The following PPP1R36 variants were observed in gnomAD, a reference collection of about 807,000 sequenced individuals.
The protein encoded by PPP1R36 is chromosome 14 open reading frame 50.
A neutral mutation model predicts 53.4 loss-of-function variants in PPP1R36; 47 were observed. The ratio of observed to expected loss-of-function variants is 0.88; its 90% CI spans 0.70 to 1.12. The LOEUF (loss-of-function observed/expected upper bound fraction) is 1.12, where lower values mean the gene tolerates loss of function less well. PPP1R36 is among the 50% of genes most tolerant of loss of function. The pLI is 0.00. For synonymous variants in PPP1R36, 153 were observed against 170.5 expected, an observed-to-expected ratio of 0.90 and a Z score of 0.80; for missense variants, 456 against 513.9, an observed-to-expected ratio of 0.89 and a Z score of 1.09.
At chr14:64,569,743 CT>C (rs932367626) in intron 7 of PPP1R36, among the ~76,000 whole-genome samples, 219 of 142,370 alleles carry the variant, frequency 1.5e-3, no homozygotes, top group Middle Eastern at 3.6e-3. Flanking sequence ...TTTTTCTTTT[CT>C]TTTTTTTTTT....
chr14:64,557,110 G>A (rs2080161753), intron 3 of PPP1R36, among the ~76,000 whole-genome samples: 1 of 152,086 alleles, frequency 6.6e-6, no homozygotes, highest in Non-Finnish European at 1.5e-5. Flanking sequence ...AGGATTACAG[G>A]TGTGAGCCAC....
chr14:64,587,608 G>T lies in PPP1R36; in HGVS notation c.890+236G>T, dbSNP rs540674562. ...CCCGAGTAGCTAGGATTACAGACAT[G>T]CGCCACCACGCCTGGCTAATTTTTT... On this transcript the variant is annotated intron_variant, in intron 10 of 11. Coordinates refer to ENST00000298705, the MANE Select transcript of PPP1R36 (RefSeq NM_172365.3). Among the ~76,000 whole-genome samples, 7 of 151,544 alleles carry T rather than the reference G, an allele frequency of 4.6e-5. 1 individual carries two copies. The South Asian group carries it at 1.2e-3, about 27-fold the overall frequency.
intron 7 of PPP1R36, among the ~76,000 whole-genome samples, chr14:64,569,901 G>C (rs188976346): frequency 6.6e-6 from 1 of 151,778 alleles, no homozygotes; most frequent in South Asian, 2.1e-4. Flanking sequence ...ACCACGCCCA[G>C]CTAATTTTTA....
chr14:64,572,502 AT>A (rs965834926), intron 7 of PPP1R36, among the ~76,000 whole-genome samples: 8 of 151,334 alleles, frequency 5.3e-5, no homozygotes, highest in Admixed American at 2.6e-4. Context: ...TCTCTTGAGT[AT>A]TTTTTTTTCA....
chr14:64,588,327 C>T (rs1252811794), intron 11 of PPP1R36, 32 bp downstream of exon 11: 1 of 1,557,598 alleles, frequency 6.4e-7, no homozygotes, highest in African/African-American at 1.4e-5. Flanking sequence ...GCATGAGTGC[C>T]TTGAGGTGGC....
intron 3 of PPP1R36, among the ~76,000 whole-genome samples, chr14:64,554,327 T>A (rs151210250): frequency 2.2e-4 from 34 of 151,958 alleles, no homozygotes; most frequent in Admixed American, 2.0e-3. Flanking sequence ...AATTTTGTAT[T>A]TTTAGTAGAG....
chr14:64,564,109 C>A (rs1019015486), intron 3 of PPP1R36, among the ~76,000 whole-genome samples: 1 of 152,172 alleles, frequency 6.6e-6, no homozygotes, highest in African/African-American at 2.4e-5. Context: ...AGTGCTTGTA[C>A]AACATGCTAA....
At chr14:64,572,856 T>A (rs1198753034) in intron 7 of PPP1R36, among the ~76,000 whole-genome samples, 1 of 152,142 alleles carries the variant, frequency 6.6e-6, no homozygotes, top group Non-Finnish European at 1.5e-5. Flanking sequence ...CAGAGTAGGG[T>A]GACCAGTGAG....
rs919340685 is a variant in PPP1R36 at position 64,564,798 on chromosome 14, C to G, written c.230C>G (p.Ala77Gly). 6 of 1,610,612 alleles carry G rather than the reference C, an allele frequency of 3.7e-6. No individual in the cohort carries two copies. Among genetic ancestry groups the G allele is most frequent in the Middle Eastern group, 1.7e-4 (1 of 6,048 alleles). The change falls in exon 4 of 12, where the codon GCA becomes GGA. Residue 77 changes from alanine (A) to glycine (G), a missense_variant. By Grantham distance (60) the Ala-to-Gly change is moderately conservative (BLOSUM62 0). Coordinates refer to ENST00000298705, the MANE Select transcript of PPP1R36 (RefSeq NM_172365.3). ...AAGGAAAAAGGAAAGAAAGGCAAAG[C>G]AGTTCACTTTGCAGAAACTGATGGT... ...EVKEKGKKGKAVHFAETDGPA... is the reference protein window; with the variant it reads ...EVKEKGKKGKGVHFAETDGPA...
chr14:64,552,357 C>T lies in PPP1R36; in HGVS notation c.135-457C>T, dbSNP rs539391379. Among the ~76,000 whole-genome samples, 5 of 152,150 alleles carry T rather than the reference C, an allele frequency of 3.3e-5. No homozygotes were observed. In the East Asian group the frequency reaches 9.6e-4, roughly 29 times the overall value. ...TACAAAAATTAGCCGGGCGTGATGG[C>T]GGGCACCTGTAATCCCAGCTACTTG... On this transcript the variant is annotated intron_variant, in intron 2 of 11. Coordinates refer to ENST00000298705, the MANE Select transcript of PPP1R36 (RefSeq NM_172365.3).
rs1202686892 is a variant in PPP1R36 at position 64,574,775 on chromosome 14, T to C, written c.668+186T>C. 2.0e-5 allele frequency among the ~76,000 whole-genome samples: 3 copies of C among 152,316 alleles called. 1 individual carries two copies. The South Asian group carries it at 6.2e-4, about 32-fold the overall frequency. On this transcript the variant is annotated intron_variant, in intron 8 of 11. Transcript: ENST00000298705. Reference sequence around the variant, plus strand: ...CTCCTTTGAGAGACCAAAGTGCATGTGGAAGAAATCTCAGAATCTCAGCGG... The same window carrying C: ...CTCCTTTGAGAGACCAAAGTGCATGCGGAAGAAATCTCAGAATCTCAGCGG...
chr14:64,581,993 C>T (rs117079701), intron 8 of PPP1R36, among the ~76,000 whole-genome samples: 6 of 152,318 alleles, frequency 3.9e-5, no homozygotes, highest in Non-Finnish European at 5.9e-5. Context: ...CCCGCCTCTA[C>T]GCTAGTATTT....
intron 3 of PPP1R36, among the ~76,000 whole-genome samples, chr14:64,556,409 G>A (rs1477223898): frequency 6.6e-6 from 1 of 151,954 alleles, no homozygotes; most frequent in Non-Finnish European, 1.5e-5. Context: ...TGCCTTGCAG[G>A]TTTGATTTTG....
chr14:64,574,610 C>T (rs2080328972), intron 8 of PPP1R36, 21 bp downstream of exon 8: 1 of 1,598,934 alleles, frequency 6.3e-7, no homozygotes, highest in Admixed American at 1.8e-5. Context: ...ACTTACACTT[C>T]ATTAGATCAT....
intron 3 of PPP1R36, among the ~76,000 whole-genome samples, chr14:64,555,784 C>A (rs2080145033): frequency 1.3e-5 from 2 of 152,168 alleles, no homozygotes; most frequent in Non-Finnish European, 2.9e-5. Context: ...TCCCACCCAG[C>A]AAGTAACTGT....
At chr14:64,565,846 C>T (rs545979559) in intron 6 of PPP1R36, among the ~76,000 whole-genome samples, 154 bp downstream of exon 6, 1 of 151,954 alleles carries the variant, frequency 6.6e-6, no homozygotes, top group Admixed American at 6.6e-5. Context: ...AAGACTGCGA[C>T]CAAAGAGTCA....
intron 3 of PPP1R36, among the ~76,000 whole-genome samples, chr14:64,555,859 T>C (rs2080146185): frequency 6.6e-6 from 1 of 152,190 alleles, no homozygotes; most frequent in Non-Finnish European, 1.5e-5. Flanking sequence ...TCTCTCTCTC[T>C]ACACACACCA....
In PPP1R36 at chr14:64,565,569, G is replaced by A; in HGVS notation, c.368-57G>A. 4.0e-6 allele frequency: 6 copies of A among 1,504,786 alleles called. No homozygotes were observed. The South Asian group carries it at 6.8e-5, about 17-fold the overall frequency. 93.2% of individuals were successfully genotyped at this position (1,504,786 alleles called of 1,614,324 possible). A position where few individuals can be genotyped will look rare whatever the true frequency, so the allele number is the denominator to read the frequency against. ...ACATCCATACATAAACGTATCTTGT[G>A]TGACTCTCTAAGGTAGCTCTTTGTC... On this transcript the variant is annotated intron_variant, in intron 5 of 11. Transcript: ENST00000298705.
chr14:64,560,425 TGA>T (rs1178275157), intron 3 of PPP1R36, among the ~76,000 whole-genome samples: 1 of 135,448 alleles, frequency 7.4e-6, no homozygotes, highest in Non-Finnish European at 1.5e-5. Context: ...TAAGCAACAG[TGA>T]GACCCTATCT....
Sources: gnomAD v4.1 joint callset for allele counts (sites outside exome capture counted in the v4.1 genomes callset) on GRCh38, gnomAD v4.1.1 for gene constraint, MANE v1.5 for transcripts, NCBI Gene and HGNC (gene_info 2026-07-23, HGNC 2026-07-21) for gene names.